The following KIRREL3 variants were observed in gnomAD, a reference collection of about 807,000 sequenced individuals.
The protein encoded by KIRREL3 is kirre like nephrin family adhesion molecule 3.
A neutral mutation model predicts 89.7 loss-of-function variants in KIRREL3; 36 were observed. That is an observed-to-expected ratio of 0.40 (90% CI 0.31 to 0.53). The LOEUF (loss-of-function observed/expected upper bound fraction) is 0.53. KIRREL3 is among the 20% of genes least tolerant of loss of function. The pLI is 0.49. For synonymous variants in KIRREL3, 445 were observed against 441.4 expected (o/e 1.01, Z -0.10); for missense variants, 864 against 1,056.6 (o/e 0.82, Z 2.53).
chr11:126,864,352 G>T lies in KIRREL3; in HGVS notation c.55+136103C>A, dbSNP rs555208935. 3.9e-5 allele frequency among the ~76,000 whole-genome samples: 6 copies of T among 152,184 alleles called. No individual in the cohort carries two copies. The South Asian group carries it at 6.2e-4, about 16-fold the overall frequency. On this transcript the variant is annotated intron_variant, in intron 1 of 16. Coordinates refer to ENST00000525144, the MANE Select transcript of KIRREL3 (RefSeq NM_032531.4). ...AGGGTGCTGATAAAGGAGCATCTCC[G>T]CTCCTTTTTCCTCCATGAAACTTGG...
rs917010666 is a variant in KIRREL3 at position 126,491,057 on chromosome 11, G to T, written c.434-17591C>A. On this transcript the variant is annotated intron_variant, in intron 4 of 16. Coordinates refer to ENST00000525144, the MANE Select transcript of KIRREL3 (RefSeq NM_032531.4). This position sits in a 1 kb window ranked among gnomAD's most constrained non-coding sequence, Gnocchi z 5.5. ...TTTGGGTCCATCCCGTAGTGGAAAG[G>T]GGTCCTATGTGAACAGAAGGGAGGG... is the stretch of plus-strand genomic sequence containing the variant. Among the ~76,000 whole-genome samples, 1 of 152,182 alleles carries T rather than the reference G, an allele frequency of 6.6e-6. No homozygotes were observed. The highest frequency in any genetic ancestry group is 2.4e-5 in the African/African-American group (1 of 41,440).
intron 1 of KIRREL3, among the ~76,000 whole-genome samples, chr11:126,665,695 C>T (rs1945630558): frequency 6.6e-6 from 1 of 152,206 alleles, no homozygotes; most frequent in African/African-American, 2.4e-5. Context: ...GTGAGAAATA[C>T]ATTTCTGTTG....
chr11:126,632,680 T>A (rs1298502455), intron 1 of KIRREL3, among the ~76,000 whole-genome samples: 2 of 6 alleles, frequency 0.33, 1 homozygote. Context: ...CTCATCCTCC[T>A]TCCCTGCCAC....
chr11:126,944,344 A>G (rs1261225652), intron 1 of KIRREL3: 1 of 152,172 alleles, frequency 6.6e-6, no homozygotes, highest in African/African-American at 2.4e-5. Flanking sequence ...AGCCTCTGCC[A>G]TGAACCCGGG....
At chr11:126,534,668 C>A (rs1012097601) in intron 2 of KIRREL3, among the ~76,000 whole-genome samples, 1 of 152,210 alleles carries the variant, frequency 6.6e-6, no homozygotes, top group African/African-American at 2.4e-5. Context: ...CCCGGGGGCC[C>A]TTTAGACCAC....
At chr11:126,478,553 ATGTG>A (rs767635373) in intron 4 of KIRREL3, among the ~76,000 whole-genome samples, 5 of 151,038 alleles carry the variant, frequency 3.3e-5, no homozygotes, top group Non-Finnish European at 7.4e-5. Context: ...ATGTGTGTAT[ATGTG>A]TGTATGTGTA....
rs1946529900 is a variant in KIRREL3 at position 126,683,027 on chromosome 11, T to TGCC, written c.56-120116_56-120115insGGC. Among the ~76,000 whole-genome samples the TGCC allele has an allele frequency of 6.6e-6, 1 of 152,150 alleles. No individual in the cohort carries two copies. The highest frequency in any genetic ancestry group is 1.5e-5 in the Non-Finnish European group (1 of 68,028). On this transcript the variant is annotated intron_variant, in intron 1 of 16. Coordinates refer to ENST00000525144, the MANE Select transcript of KIRREL3 (RefSeq NM_032531.4). This position sits in a 1 kb window ranked among gnomAD's most constrained non-coding sequence, Gnocchi z 5.2. Reference sequence around the variant, plus strand: ...GCACTACTATGCCTGGGTAACTTTTTTGATTTTTATTAGAGATGAGGTCTC... The same window carrying TGCC: ...GCACTACTATGCCTGGGTAACTTTTTGCCTGATTTTTATTAGAGATGAGGTCTC...
intron 1 of KIRREL3, among the ~76,000 whole-genome samples, chr11:126,942,228 G>A (rs1948473779): frequency 6.6e-6 from 1 of 152,118 alleles, no homozygotes; most frequent in African/African-American, 2.4e-5. Flanking sequence ...AATAAAATTG[G>A]AATAATAGTA....
rs1947619916 is a variant in KIRREL3, at chr11:126,924,615, A to C, written c.55+75840T>G. Among the ~76,000 whole-genome samples, 1 of 152,156 alleles carries C rather than the reference A, an allele frequency of 6.6e-6. No homozygotes were observed. The highest frequency in any genetic ancestry group is 2.1e-4 in the South Asian group (1 of 4,828). On this transcript the variant is annotated intron_variant, in intron 1 of 16. Coordinates refer to ENST00000525144, the MANE Select transcript of KIRREL3 (RefSeq NM_032531.4). This position sits in a 1 kb window ranked among gnomAD's most constrained non-coding sequence, Gnocchi z 4.7. ...AGGCCCCAGAGTAGTCTTGATTTAAAGGCAGGGCTGTTGGGGGATTTGGAA... is the reference window on the plus strand; with the variant it reads ...AGGCCCCAGAGTAGTCTTGATTTAACGGCAGGGCTGTTGGGGGATTTGGAA...
At chr11:126,838,766 G>C (rs1420492797) in intron 1 of KIRREL3, among the ~76,000 whole-genome samples, 1 of 152,176 alleles carries the variant, frequency 6.6e-6, no homozygotes, top group African/African-American at 2.4e-5. Context: ...CAGCTGTCAG[G>C]TTGGAAAAAT....
chr11:126,701,023 G>A (rs1007392036), intron 1 of KIRREL3, among the ~76,000 whole-genome samples: 2 of 152,194 alleles, frequency 1.3e-5, no homozygotes, highest in Admixed American at 6.5e-5. Flanking sequence ...TCCCAAAATA[G>A]CTTCTGAAAG....
rs550385684 is a variant in KIRREL3, at chr11:126,892,912, C to T, written c.55+107543G>A. On this transcript the variant is annotated intron_variant, in intron 1 of 16. Coordinates refer to ENST00000525144, the MANE Select transcript of KIRREL3 (RefSeq NM_032531.4). This position sits in a 1 kb window ranked among gnomAD's most constrained non-coding sequence, Gnocchi z 5.4. ...AGACACAGAGCACTGCCTGGCATCC[C>T]TGCTGCAGAATCGGGCTAGGATAGG... 1.5e-4 allele frequency among the ~76,000 whole-genome samples: 23 copies of T among 152,328 alleles called. No individual in the cohort carries two copies. The highest frequency in any genetic ancestry group is 5.5e-4 in the African/African-American group (23 of 41,568).
chr11:126,875,108 T>C (rs114217365), intron 1 of KIRREL3, among the ~76,000 whole-genome samples: 118 of 152,284 alleles, frequency 7.7e-4, no homozygotes, highest in African/African-American at 2.6e-3. Context: ...GTGGCAAGTG[T>C]ATATCAATCA....
At position 126,430,677 on chromosome 11, in the gene KIRREL3, AT is replaced by A. The variant is rs1955097366; in HGVS notation, c.1696+741del. Among the ~76,000 whole-genome samples, 2 of 151,972 alleles carry A rather than the reference AT, an allele frequency of 1.3e-5. No individual in the cohort carries two copies. Among genetic ancestry groups the A allele is most frequent in the Admixed American group, 1.3e-4 (2 of 15,244 alleles). ...AGGAGCAGACCCATTCTGGTGATTC[AT>A]TTTTTGCATTACACTTATATAATGT... On this transcript the variant is annotated intron_variant, in intron 14 of 16. Transcript: ENST00000525144. This position sits in a 1 kb window ranked among gnomAD's most constrained non-coding sequence, Gnocchi z 6.6.
intron 1 of KIRREL3, among the ~76,000 whole-genome samples, chr11:126,907,678 C>T (rs1216334518): frequency 6.6e-6 from 1 of 152,118 alleles, no homozygotes; most frequent in Non-Finnish European, 1.5e-5. Flanking sequence ...GCATCTTTTC[C>T]CCTAGTCTAA....
intron 1 of KIRREL3, among the ~76,000 whole-genome samples, chr11:126,695,112 G>C (rs1947036329): frequency 6.6e-6 from 1 of 152,308 alleles, no homozygotes; most frequent in African/African-American, 2.4e-5. Flanking sequence ...GGCAGAGCAG[G>C]ATAGCTATGA....
rs1237409073 is a variant in KIRREL3, at chr11:126,541,730, C to T, written c.134-15043G>A. On this transcript the variant is annotated intron_variant, in intron 2 of 16. Coordinates refer to ENST00000525144, the MANE Select transcript of KIRREL3 (RefSeq NM_032531.4). This position sits in a 1 kb window ranked among gnomAD's most constrained non-coding sequence, Gnocchi z 4.8. The stretch of plus-strand genomic sequence containing the variant: ...CATCCTTCTGCAGGCGGTTTCTGGG[C>T]CACATCCTAAGGGCACTGTTGTGTG... 6.6e-6 allele frequency among the ~76,000 whole-genome samples: 1 copy of T among 152,026 alleles called. No homozygotes were observed. The highest frequency in any genetic ancestry group is 1.5e-5 in the Non-Finnish European group (1 of 68,024).
In KIRREL3 at chr11:126,628,579, A is replaced by T. The variant is rs1943888805; in HGVS notation, c.56-65667T>A. Among the ~76,000 whole-genome samples the T allele has an allele frequency of 6.6e-6, 1 of 152,114 alleles. No individual in the cohort carries two copies. The stretch of plus-strand genomic sequence containing the variant: ...CTTTCAGCAACTTGTTCTATTGCCA[A>T]CCTTTCTATAAGCCTTCTTCTGAGA... On this transcript the variant is annotated intron_variant, in intron 1 of 16. Coordinates refer to ENST00000525144, the MANE Select transcript of KIRREL3 (RefSeq NM_032531.4). The surrounding 1 kb of genome is among the most constrained non-coding windows in gnomAD (Gnocchi z 5.2).
chr11:126,979,499 C>T (rs1162226940), intron 1 of KIRREL3, among the ~76,000 whole-genome samples: 1 of 152,158 alleles, frequency 6.6e-6, no homozygotes, highest in African/African-American at 2.4e-5. Context: ...AAGCCTGACT[C>T]GAAGTCTGGG....
Sources: gnomAD v4.1 joint callset for allele counts (sites outside exome capture counted in the v4.1 genomes callset) on GRCh38, gnomAD v4.1.1 for gene constraint, Gnocchi (gnomAD v3.1) non-coding constraint, MANE v1.5 for transcripts, NCBI Gene and HGNC (gene_info 2026-07-23, HGNC 2026-07-21) for gene names.